The following DRC4 variants were observed in gnomAD, a reference collection of about 807,000 sequenced individuals.
The protein encoded by DRC4 is dynein regulatory complex subunit 4.
the DRC4 span, chr16:90,027,787 A>G: frequency 0.45 from 646,291 of 1,443,360 alleles, 153,067 homozygotes; most frequent in East Asian, 0.86. Flanking sequence ...CAGGGTGCCT[A>G]CGCCGAGTGT....
At chr16:90,037,961 C>G in the DRC4 span, 5 of 932,458 alleles carry the variant, frequency 5.4e-6, no homozygotes, top group African/African-American at 1.6e-5. Context: ...GATGGCACCC[C>G]TGCTAGCCAG....
chr16:90,036,566 G>A, the DRC4 span: 2 of 1,585,712 alleles, frequency 1.3e-6, no homozygotes, highest in Non-Finnish European at 1.7e-6. Context: ...CAACAACCTG[G>A]CCCTCATCAA....
At chr16:90,019,712 G>A in the DRC4 span, 4 of 600,932 alleles carry the variant, frequency 6.7e-6, no homozygotes, top group Non-Finnish European at 1.2e-5. The surrounding 1 kb of genome is among the most constrained non-coding windows in gnomAD (Gnocchi z 6.1). Context: ...GGCGTCCGGG[G>A]CTCCTGCGCA....
the DRC4 span, chr16:90,032,862 C>T: frequency 3.1e-6 from 5 of 1,613,770 alleles, no homozygotes; most frequent in African/African-American, 6.7e-5. Context: ...CATGCGGGCA[C>T]TGAAGGTGGA....
At chr16:90,040,688 C>T in the DRC4 span, among the ~76,000 whole-genome samples, 2 of 62,982 alleles carry the variant, frequency 3.2e-5, no homozygotes, top group East Asian at 5.7e-4. Flanking sequence ...AAGGGCTGGG[C>T]AGGGGAACCA....
chr16:90,028,320 G>C, the DRC4 span, among the ~76,000 whole-genome samples: 1 of 151,684 alleles, frequency 6.6e-6, no homozygotes, highest in Non-Finnish European at 1.5e-5. Context: ...GAGTAGCTGG[G>C]ACTACAGGCA....
At chr16:90,032,610 G>A in the DRC4 span, 1 of 951,338 alleles carries the variant, frequency 1.1e-6, no homozygotes, top group South Asian at 1.4e-5. Flanking sequence ...GTATGGACAG[G>A]TGAGGAGGTG....
At chr16:90,042,969 C>T in the DRC4 span, 24 of 552,090 alleles carry the variant, frequency 4.3e-5, no homozygotes, top group East Asian at 1.8e-4. Context: ...GCCTCCGTCT[C>T]GTCATTTGTG....
chr16:90,037,112 A>G, the DRC4 span: 1 of 960,166 alleles, frequency 1.0e-6, no homozygotes, highest in Non-Finnish European at 1.5e-6. Context: ...AGGTGCCAGC[A>G]TGCCTGAGGC....
chr16:90,042,284 TCTTC>T, the DRC4 span: 5 of 644,342 alleles, frequency 7.8e-6, no homozygotes, highest in Non-Finnish European at 1.4e-5. Flanking sequence ...GTTCTCTGCT[TCTTC>T]CTTGTTTTCT....
At chr16:90,041,075 G>A in the DRC4 span, among the ~76,000 whole-genome samples, 1 of 152,188 alleles carries the variant, frequency 6.6e-6, no homozygotes, top group Non-Finnish European at 1.5e-5. Context: ...TCCCACTGTT[G>A]GGAGGTGGGG....
chr16:90,040,073 A>T, the DRC4 span: 1 of 575,626 alleles, frequency 1.7e-6, no homozygotes, highest in South Asian at 2.0e-5. Context: ...TTCCTGAGAG[A>T]AGGGCTTATG....
chr16:90,041,237 T>C, the DRC4 span, among the ~76,000 whole-genome samples: 402 of 152,344 alleles, frequency 2.6e-3, 3 homozygotes, highest in African/African-American at 9.1e-3. Flanking sequence ...TAAATGTGGG[T>C]CAACCCCTCC....
At chr16:90,037,687 C>T in the DRC4 span, 2 of 1,439,820 alleles carry the variant, frequency 1.4e-6, no homozygotes, top group Non-Finnish European at 2.0e-6. Flanking sequence ...CTTGCCATCT[C>T]CCAGGAGCCC....
chr16:90,040,550 A>G, the DRC4 span: 2 of 1,509,002 alleles, frequency 1.3e-6, no homozygotes, highest in East Asian at 2.4e-5. Flanking sequence ...GGGCGGCCTC[A>G]TCCCTGTGGC....
chr16:90,036,545 G>T, the DRC4 span: 107 of 1,602,918 alleles, frequency 6.7e-5, 1 homozygote, highest in Non-Finnish European at 8.7e-5. Context: ...CTACTACAAC[G>T]ACATCACCCT....
At chr16:90,023,014 A>T in the DRC4 span, among the ~76,000 whole-genome samples, 24 of 152,230 alleles carry the variant, frequency 1.6e-4, no homozygotes, top group Non-Finnish European at 2.2e-4. Context: ...CGGTCCCCAG[A>T]AGAGTGAACA....
the DRC4 span, among the ~76,000 whole-genome samples, chr16:90,023,221 AC>A: frequency 6.6e-6 from 1 of 152,056 alleles, no homozygotes; most frequent in Admixed American, 6.5e-5. Context: ...ATCCCTCTAC[AC>A]CAAGGAGGCC....
chr16:90,035,499 A>C, the DRC4 span: 1 of 1,107,510 alleles, frequency 9.0e-7, no homozygotes, highest in Non-Finnish European at 1.4e-6. Context: ...TCAAGCTTAG[A>C]GGTGACTTTA....
Sources: allele counts gnomAD v4.1 joint callset (sites outside exome capture counted in the v4.1 genomes callset), GRCh38; gene constraint gnomAD v4.1.1; non-coding constraint Gnocchi (gnomAD v3.1); transcripts MANE v1.5; gene names NCBI Gene and HGNC (gene_info 2026-07-23, HGNC 2026-07-21).